IL1RAPL2: variants seen among roughly 807,000 people sequenced by gnomAD.
IL1RAPL2 encodes the protein X-linked interleukin-1 receptor accessory protein-like 2.
IL1RAPL2 carries 3 observed loss-of-function variants against 44.1 expected under a neutral mutation model. The ratio of observed to expected loss-of-function variants is 0.07; its 90% CI spans 0.03 to 0.18. The LOEUF is 0.18. Among genes scored for constraint, IL1RAPL2 ranks in the 10% least tolerant of loss-of-function variants. The pLI is 1.00. For missense variants in IL1RAPL2, 391 were observed against 496.4 expected, an observed-to-expected ratio of 0.79 and a Z score of 2.02; for synonymous variants, 181 against 178.8, an observed-to-expected ratio of 1.01 and a Z score of -0.10.
At chrX:105,556,601 A>C (rs1169556319) in intron 6 of IL1RAPL2, among the ~76,000 whole-genome samples, 2 of 111,614 alleles carry the variant, frequency 1.8e-5, no homozygotes, top group African/African-American at 6.5e-5. Flanking sequence ...CCCTTATTAC[A>C]CTGGTTAAAT....
intron 2 of IL1RAPL2, among the ~76,000 whole-genome samples, chrX:104,931,121 T>C (rs987304371): frequency 9.0e-6 from 1 of 110,734 alleles, no homozygotes; most frequent in Admixed American, 9.7e-5. Context: ...TGTATACTTA[T>C]TCCTGGGATT....
chrX:105,227,239 A>T (rs891653523), intron 3 of IL1RAPL2, among the ~76,000 whole-genome samples: 2 of 111,783 alleles, frequency 1.8e-5, no homozygotes, highest in African/African-American at 6.5e-5. Flanking sequence ...AAATAAAAAA[A>T]TTATGATATG....
chrX:105,522,332 G>T (rs1468389954), intron 6 of IL1RAPL2, among the ~76,000 whole-genome samples: 1 of 112,369 alleles, frequency 8.9e-6, no homozygotes, highest in African/African-American at 3.2e-5. Context: ...TTATCAGAAT[G>T]AATTTCCTGT....
chrX:104,644,508 G>A (rs1332874242), intron 1 of IL1RAPL2, among the ~76,000 whole-genome samples: 1 of 111,247 alleles, frequency 9.0e-6, no homozygotes, highest in African/African-American at 3.3e-5. Context: ...AAATCCTCCC[G>A]TGTATGTCAA....
At chrX:104,930,559 C>T (rs1003495749) in intron 2 of IL1RAPL2, among the ~76,000 whole-genome samples, 13 of 111,784 alleles carry the variant, frequency 1.2e-4, no homozygotes, top group East Asian at 2.8e-4. Context: ...GTTTTACAGA[C>T]GAGGAAGCAG....
intron 2 of IL1RAPL2, among the ~76,000 whole-genome samples, chrX:105,069,132 T>C (rs1344462276): frequency 8.9e-6 from 1 of 112,129 alleles, no homozygotes; most frequent in Non-Finnish European, 1.9e-5. Flanking sequence ...CTGATTTCCT[T>C]GACCTTTTAA....
At chrX:105,722,933 C>G (rs1602539809) in intron 7 of IL1RAPL2, among the ~76,000 whole-genome samples, 1 of 110,788 alleles carries the variant, frequency 9.0e-6, no homozygotes, top group East Asian at 2.9e-4. Flanking sequence ...CTAATCTTAT[C>G]AAACGTTTTC....
intron 5 of IL1RAPL2, among the ~76,000 whole-genome samples, chrX:105,338,951 A>C (rs1384796417): frequency 9.0e-6 from 1 of 110,544 alleles, no homozygotes; most frequent in Non-Finnish European, 1.9e-5. Flanking sequence ...AATACAAAAA[A>C]AATTAGCAAG....
At chrX:105,750,738 A>C (rs1439018963) in intron 9 of IL1RAPL2, among the ~76,000 whole-genome samples, 1 of 110,213 alleles carries the variant, frequency 9.1e-6, no homozygotes, top group African/African-American at 3.3e-5. Flanking sequence ...GAAATGAAAA[A>C]TTAAGGCCTA....
At chrX:105,029,021 G>T (rs1183372984) in intron 2 of IL1RAPL2, among the ~76,000 whole-genome samples, 1 of 109,073 alleles carries the variant, frequency 9.2e-6, no homozygotes, top group African/African-American at 3.3e-5. Flanking sequence ...TTCAAGATCT[G>T]TTTGCAGTAC....
intron 6 of IL1RAPL2, among the ~76,000 whole-genome samples, chrX:105,649,942 G>A (rs2037631777): frequency 9.0e-6 from 1 of 111,490 alleles, no homozygotes; most frequent in Admixed American, 9.6e-5. Context: ...GTAAGGAGGA[G>A]GAGAGAGGTA....
At chrX:104,987,858 G>A (rs2030589792) in intron 2 of IL1RAPL2, among the ~76,000 whole-genome samples, 2 of 111,768 alleles carry the variant, frequency 1.8e-5, no homozygotes, top group African/African-American at 6.5e-5. Flanking sequence ...CCCCAGGCAA[G>A]AGGTATGGTA....
intron 2 of IL1RAPL2, among the ~76,000 whole-genome samples, chrX:105,092,949 T>TA (rs1230450054): frequency 9.1e-5 from 10 of 109,489 alleles, no homozygotes; most frequent in East Asian, 2.9e-4. Flanking sequence ...TAACTGGAAG[T>TA]AAAAAAAAAT....
intron 5 of IL1RAPL2, among the ~76,000 whole-genome samples, chrX:105,387,866 G>A (rs2035488705): frequency 1.8e-5 from 2 of 108,743 alleles, no homozygotes; most frequent in Non-Finnish European, 3.8e-5. Context: ...ATGGGTAATT[G>A]GGCCGGGCGC....
At chrX:104,891,253 T>G (rs1923429307) in intron 2 of IL1RAPL2, among the ~76,000 whole-genome samples, 1 of 111,901 alleles carries the variant, frequency 8.9e-6, no homozygotes, top group African/African-American at 3.3e-5. Context: ...GCTTTGTTCT[T>G]TTGGCTTGGG....
chrX:105,273,054 G>A (rs16984676), intron 5 of IL1RAPL2, among the ~76,000 whole-genome samples: 2 of 110,748 alleles, frequency 1.8e-5, no homozygotes, highest in African/African-American at 6.6e-5. Context: ...ATAGTAGCGG[G>A]GATTTTGACT....
chrX:105,604,864 A>G (rs1440598709), intron 6 of IL1RAPL2, among the ~76,000 whole-genome samples: 1 of 111,660 alleles, frequency 9.0e-6, no homozygotes. Flanking sequence ...TTCCTTTGAC[A>G]GAATGAAGAA....
chrX:104,744,726 T>C (rs1932145875), intron 2 of IL1RAPL2, among the ~76,000 whole-genome samples: 1 of 111,366 alleles, frequency 9.0e-6, no homozygotes, highest in African/African-American at 3.3e-5. Context: ...TCTCATTCTC[T>C]CTGTGTCTTT....
At chrX:105,603,991 C>T (rs1041214448) in intron 6 of IL1RAPL2, among the ~76,000 whole-genome samples, 2 of 109,668 alleles carry the variant, frequency 1.8e-5, no homozygotes, top group East Asian at 2.9e-4. Context: ...CATATTAAAA[C>T]CTATGGGATA....
Sources: allele counts gnomAD v4.1 joint callset (sites outside exome capture counted in the v4.1 genomes callset), GRCh38; gene constraint gnomAD v4.1.1; transcripts MANE v1.5; gene names NCBI Gene and HGNC (gene_info 2026-07-23, HGNC 2026-07-21).